Variants in XKR9 observed in about 807,000 individuals in gnomAD.
The protein encoded by XKR9 is XK related 9.
Under a neutral mutation model 32.0 loss-of-function variants are expected in XKR9, and 32 were observed. That is an observed-to-expected ratio of 1.00 (90% CI 0.76 to 1.34). The LOEUF is 1.34. Ranked by LOEUF, XKR9 falls within the 40% of genes most tolerant of loss-of-function variation. The pLI is 0.00. For missense variants in XKR9, 546 were observed against 429.7 expected (o/e 1.27, Z -2.39); for synonymous variants, 168 against 143.4 (o/e 1.17, Z -1.22).
At chr8:70,683,297 G>T (rs1819147581) in intron 3 of XKR9, among the ~76,000 whole-genome samples, 1 of 151,910 alleles carries the variant, frequency 6.6e-6, no homozygotes, top group Admixed American at 6.6e-5. Flanking sequence ...AATTCGATTT[G>T]CTATGCTCCC....
chr8:70,925,890 C>A, the XKR9 span, among the ~76,000 whole-genome samples: 1 of 151,996 alleles, frequency 6.6e-6, no homozygotes, highest in Non-Finnish European at 1.5e-5. Flanking sequence ...AACTAAGTGA[C>A]AAATGAATGA....
intron 2 of XKR9, among the ~76,000 whole-genome samples, chr8:70,766,282 G>T (rs766737799): frequency 2.0e-4 from 31 of 152,104 alleles, no homozygotes; most frequent in Non-Finnish European, 4.1e-4. Context: ...TTATTTCCTT[G>T]AGCAGTGGTT....
intron 2 of XKR9, among the ~76,000 whole-genome samples, chr8:70,758,898 T>G (rs1027141820): frequency 2.6e-5 from 4 of 152,182 alleles, no homozygotes; most frequent in Admixed American, 2.6e-4. Context: ...GCTGCCTGGT[T>G]GGTTTAGAGG....
At chr8:70,882,906 TGCTTTATCTAGTTA>T in the XKR9 span, among the ~76,000 whole-genome samples, 9 of 149,834 alleles carry the variant, frequency 6.0e-5, no homozygotes, top group Middle Eastern at 0.01. Flanking sequence ...AATCCCCCTG[TGCTTTATCTAGTTA>T]GCTGTCTTAT....
the XKR9 span, among the ~76,000 whole-genome samples, chr8:70,929,786 A>G: frequency 2.0e-4 from 30 of 152,292 alleles, no homozygotes; most frequent in Non-Finnish European, 3.5e-4. Context: ...CAGCCTGAGA[A>G]AAAGGCTCTG....
At chr8:70,872,783 C>A in the XKR9 span, among the ~76,000 whole-genome samples, 13 of 152,142 alleles carry the variant, frequency 8.5e-5, no homozygotes, top group Non-Finnish European at 1.9e-4. Context: ...GCCTCAGCCT[C>A]CTGAGTAGCT....
chr8:70,788,013 T>C (rs1175369197), intron 2 of XKR9, among the ~76,000 whole-genome samples: 1 of 152,050 alleles, frequency 6.6e-6, no homozygotes, highest in African/African-American at 2.4e-5. Context: ...AAGAAAAAAG[T>C]CTAATATTTT....
chr8:70,972,519 A>G, the XKR9 span, among the ~76,000 whole-genome samples: 2 of 152,118 alleles, frequency 1.3e-5, no homozygotes, highest in African/African-American at 4.8e-5. Context: ...GAAGTGGTAA[A>G]AGTGGGCATG....
chr8:70,864,143 T>C, the XKR9 span, among the ~76,000 whole-genome samples: 1 of 152,370 alleles, frequency 6.6e-6, no homozygotes, highest in South Asian at 2.1e-4. Flanking sequence ...GATTCTCATT[T>C]ATAATCTCTA....
At chr8:70,937,240 TGTTTACTAAA>T in the XKR9 span, among the ~76,000 whole-genome samples, 1 of 152,024 alleles carries the variant, frequency 6.6e-6, no homozygotes, top group Non-Finnish European at 1.5e-5. Flanking sequence ...ATTATTAATA[TGTTTACTAAA>T]GTTTAAGATA....
At chr8:70,810,384 A>C in the XKR9 span, among the ~76,000 whole-genome samples, 5 of 152,218 alleles carry the variant, frequency 3.3e-5, no homozygotes, top group Non-Finnish European at 7.3e-5. Flanking sequence ...TGCATCAACT[A>C]ACTAGCAAAA....
At chr8:70,807,166 G>A in the XKR9 span, among the ~76,000 whole-genome samples, 2 of 152,140 alleles carry the variant, frequency 1.3e-5, no homozygotes, top group African/African-American at 4.8e-5. Flanking sequence ...CAGCCAGTAA[G>A]CTTCATAAGC....
the XKR9 span, among the ~76,000 whole-genome samples, chr8:71,039,048 C>T: frequency 6.6e-6 from 1 of 151,994 alleles, no homozygotes; most frequent in East Asian, 1.9e-4. Flanking sequence ...AAGTGATCCG[C>T]CTGTCTTGGC....
At chr8:70,993,075 A>G in the XKR9 span, among the ~76,000 whole-genome samples, 1 of 152,150 alleles carries the variant, frequency 6.6e-6, no homozygotes, top group Non-Finnish European at 1.5e-5. Flanking sequence ...CCAATTGCCT[A>G]TATTAAAATC....
At chr8:70,676,539 C>T (rs539816270) in intron 2 of XKR9, among the ~76,000 whole-genome samples, 11 of 152,210 alleles carry the variant, frequency 7.2e-5, no homozygotes, top group South Asian at 6.2e-4. Flanking sequence ...TTATCAGATC[C>T]GCCGTATGTA....
intron 4 of XKR9, among the ~76,000 whole-genome samples, chr8:70,732,490 C>G (rs1356496547): frequency 6.6e-6 from 1 of 152,222 alleles, no homozygotes; most frequent in Non-Finnish European, 1.5e-5. Context: ...CAGAGTGGGG[C>G]TACTGAACCA....
At chr8:70,839,648 C>T in the XKR9 span, among the ~76,000 whole-genome samples, 1 of 151,988 alleles carries the variant, frequency 6.6e-6, no homozygotes, top group African/African-American at 2.4e-5. Flanking sequence ...TCTGAGATAC[C>T]TTACTCAGCT....
At chr8:71,007,233 A>T in the XKR9 span, among the ~76,000 whole-genome samples, 1 of 152,192 alleles carries the variant, frequency 6.6e-6, no homozygotes, top group Non-Finnish European at 1.5e-5. Context: ...AAATTATCAT[A>T]ATCCTGGGAG....
At chr8:70,756,400 G>T (rs1393804109) in intron 2 of XKR9, among the ~76,000 whole-genome samples, 4 of 152,186 alleles carry the variant, frequency 2.6e-5, no homozygotes, top group African/African-American at 9.7e-5. Context: ...TTTCTACAGA[G>T]AAATTAGCTA....
Sources: allele counts gnomAD v4.1 joint callset (sites outside exome capture counted in the v4.1 genomes callset), GRCh38; gene constraint gnomAD v4.1.1; transcripts MANE v1.5; gene names NCBI Gene and HGNC (gene_info 2026-07-23, HGNC 2026-07-21).